The following C8orf34 variants were observed in gnomAD, a reference collection of about 807,000 sequenced individuals.
C8orf34 encodes the protein chromosome 8 open reading frame 34, also known as uncharacterized protein C8orf34.
In C8orf34, 65 loss-of-function variants were observed where a neutral mutation model predicts 68.3. The ratio of observed to expected loss-of-function variants is 0.95; its 90% CI spans 0.78 to 1.17. The LOEUF (loss-of-function observed/expected upper bound fraction) is 1.17. Among genes scored for constraint, C8orf34 ranks in the 50% most tolerant of loss-of-function variants. C8orf34 has a pLI of 0.00. For synonymous variants in C8orf34, 244 were observed against 241.2 expected (o/e 1.01, Z -0.11); for missense variants, 664 against 655.4 (o/e 1.01, Z -0.14).
intron 10 of C8orf34, among the ~76,000 whole-genome samples, chr8:68,744,346 T>C (rs1163118714): frequency 1.3e-5 from 2 of 152,164 alleles, no homozygotes; most frequent in Non-Finnish European, 2.9e-5. Context: ...TCCAAAGGAA[T>C]GCAGTTTCTC....
intron 12 of C8orf34, chr8:68,791,568 T>G (rs1367658504): frequency 1.3e-5 from 2 of 152,036 alleles, no homozygotes; most frequent in Non-Finnish European, 2.9e-5. Flanking sequence ...ATAAATAAGC[T>G]AAAAACACAC....
At chr8:68,463,938 C>CA (rs1811979252) in intron 3 of C8orf34, among the ~76,000 whole-genome samples, 1 of 152,068 alleles carries the variant, frequency 6.6e-6, no homozygotes. Flanking sequence ...GAAGTTCTGG[C>CA]CAGGGCAATT....
chr8:68,722,432 G>T (rs1821702507), intron 10 of C8orf34, among the ~76,000 whole-genome samples: 1 of 152,018 alleles, frequency 6.6e-6, no homozygotes, highest in African/African-American at 2.4e-5. Flanking sequence ...ATAACACTCT[G>T]TGACGAGATT....
intron 12 of C8orf34, among the ~76,000 whole-genome samples, chr8:68,794,499 A>ATTTT (rs1824115901): frequency 1.2e-5 from 1 of 81,856 alleles, no homozygotes; most frequent in Non-Finnish European, 2.1e-5. Flanking sequence ...ATATATATAT[A>ATTTT]TATATATTTT....
chr8:68,419,685 G>A (rs979288574), intron 1 of C8orf34, among the ~76,000 whole-genome samples: 2 of 151,706 alleles, frequency 1.3e-5, no homozygotes, highest in African/African-American at 4.8e-5. Context: ...GTAGGGACAT[G>A]GATGAAATTG....
intron 8 of C8orf34, among the ~76,000 whole-genome samples, chr8:68,696,844 C>T (rs935941105): frequency 5.9e-5 from 9 of 152,114 alleles, no homozygotes; most frequent in Non-Finnish European, 7.4e-5. Context: ...TATATAATTT[C>T]GCTAATAGAA....
At chr8:68,589,625 AAG>A (rs1272828021) in intron 7 of C8orf34, among the ~76,000 whole-genome samples, 1 of 144,776 alleles carries the variant, frequency 6.9e-6, no homozygotes, top group Non-Finnish European at 1.5e-5. Flanking sequence ...GAGAAGAAGA[AAG>A]AAGGAGGAGA....
At chr8:68,480,794 C>T (rs1224960482) in intron 4 of C8orf34, among the ~76,000 whole-genome samples, 1 of 152,088 alleles carries the variant, frequency 6.6e-6, no homozygotes, top group East Asian at 1.9e-4. Flanking sequence ...GAAGAAATTT[C>T]TAAGCAGCAA....
At chr8:68,800,906 A>C (rs1563677409) in intron 12 of C8orf34, among the ~76,000 whole-genome samples, 1 of 152,176 alleles carries the variant, frequency 6.6e-6, no homozygotes, top group Non-Finnish European at 1.5e-5. Flanking sequence ...CAAAATAAAG[A>C]ATTCAGATTA....
chr8:68,758,515 A>G (rs939782632), intron 10 of C8orf34, among the ~76,000 whole-genome samples: 4 of 152,196 alleles, frequency 2.6e-5, no homozygotes, highest in Non-Finnish European at 5.9e-5. Context: ...CAAGTGATAT[A>G]TGAACATATT....
intron 10 of C8orf34, among the ~76,000 whole-genome samples, chr8:68,732,064 A>AGATTGC (rs1821993007): frequency 6.6e-6 from 1 of 152,208 alleles, no homozygotes; most frequent in African/African-American, 2.4e-5. Flanking sequence ...ACACTGGTTA[A>AGATTGC]GATTGCGTCT....
chr8:68,570,687 G>T (rs1816736714), intron 7 of C8orf34, among the ~76,000 whole-genome samples: 1 of 152,148 alleles, frequency 6.6e-6, no homozygotes, highest in Non-Finnish European at 1.5e-5. Context: ...TACTCAAAGG[G>T]TGTTCCAGAA....
At chr8:68,763,496 T>G (rs1322337463) in intron 10 of C8orf34, among the ~76,000 whole-genome samples, 3 of 152,194 alleles carry the variant, frequency 2.0e-5, no homozygotes, top group Admixed American at 1.3e-4. Context: ...CCTGTGTTTT[T>G]GGGTTACTCT....
intron 1 of C8orf34, among the ~76,000 whole-genome samples, chr8:68,336,518 G>C (rs1427437958): frequency 1.3e-5 from 2 of 152,180 alleles, no homozygotes; most frequent in Non-Finnish European, 2.9e-5. Flanking sequence ...ATTGAAATTG[G>C]AGGTGTTGGT....
intron 7 of C8orf34, among the ~76,000 whole-genome samples, chr8:68,603,072 TA>T (rs1256288900): frequency 6.6e-6 from 1 of 152,146 alleles, no homozygotes; most frequent in Non-Finnish European, 1.5e-5. Flanking sequence ...TTCAGGTTCC[TA>T]ATCAGTCCAT....
chr8:68,417,074 A>G (rs959662119), intron 1 of C8orf34, among the ~76,000 whole-genome samples: 4 of 152,150 alleles, frequency 2.6e-5, no homozygotes, highest in Non-Finnish European at 4.4e-5. Flanking sequence ...AGCAACTGCT[A>G]TTAAAACTAT....
At chr8:68,331,545 C>T in intron 1 of C8orf34, 2 of 624,584 alleles carry the variant, frequency 3.2e-6, no homozygotes, top group Middle Eastern at 2.7e-4. Flanking sequence ...TAGCCAGTTA[C>T]CTGAACGCGG....
chr8:68,443,667 A>G (rs1215880062), intron 2 of C8orf34, among the ~76,000 whole-genome samples: 4 of 151,934 alleles, frequency 2.6e-5, no homozygotes, highest in Non-Finnish European at 2.9e-5. Context: ...CGGCCTCCCA[A>G]AGTGCTGGGA....
chr8:68,756,340 C>G (rs1231258476), intron 10 of C8orf34, among the ~76,000 whole-genome samples: 17 of 152,182 alleles, frequency 1.1e-4, no homozygotes, highest in Admixed American at 1.1e-3. Flanking sequence ...CTAATTCACT[C>G]TATTTTGAAA....
Sources: gnomAD v4.1 joint callset for allele counts (sites outside exome capture counted in the v4.1 genomes callset) on GRCh38, gnomAD v4.1.1 for gene constraint, MANE v1.5 for transcripts, NCBI Gene and HGNC (gene_info 2026-07-23, HGNC 2026-07-21) for gene names.